PDE4D: variants seen among roughly 807,000 people sequenced by gnomAD.
PDE4D encodes the protein 3',5'-cyclic-AMP phosphodiesterase 4D.
PDE4D carries 24 observed loss-of-function variants against 87.4 expected under a neutral mutation model. The ratio of observed to expected loss-of-function variants is 0.27; its 90% CI spans 0.20 to 0.39. The LOEUF is 0.39. Ranked by LOEUF, PDE4D falls within the 10% of genes least tolerant of loss-of-function variation. The probability of loss-of-function intolerance (pLI) is 1.00; values close to 1 mark genes in which losing one functional copy is unlikely to be tolerated. For synonymous variants in PDE4D, 384 were observed against 383.2 expected, an observed-to-expected ratio of 1.00 and a Z score of -0.02; for missense variants, 714 against 1,041.0, an observed-to-expected ratio of 0.69 and a Z score of 4.32.
intron 1 of PDE4D, among the ~76,000 whole-genome samples, chr5:60,455,945 AG>A (rs754515170): frequency 3.0e-4 from 45 of 152,184 alleles, no homozygotes; most frequent in Non-Finnish European, 6.3e-4. Context: ...TTTTGGAGCC[AG>A]GGTTCTCCAG....
chr5:59,364,656 G>A (rs1782757353), intron 1 of PDE4D, among the ~76,000 whole-genome samples: 1 of 152,100 alleles, frequency 6.6e-6, no homozygotes, highest in Non-Finnish European at 1.5e-5. Context: ...AATGCATGAG[G>A]CAGCAAGTAT....
At chr5:59,690,325 A>G (rs1420238407) in intron 1 of PDE4D, among the ~76,000 whole-genome samples, 2 of 152,332 alleles carry the variant, frequency 1.3e-5, no homozygotes, top group Non-Finnish European at 2.9e-5. Context: ...ACTATACTAC[A>G]AGGCTACAGT....
chr5:59,023,189 A>AGAG (rs1554048678), intron 6 of PDE4D, among the ~76,000 whole-genome samples: 2 of 150,346 alleles, frequency 1.3e-5, no homozygotes, highest in Admixed American at 6.6e-5. Flanking sequence ...AAAAAAAAAA[A>AGAG]AGAGAGAGAG....
intron 1 of PDE4D, among the ~76,000 whole-genome samples, chr5:60,265,722 C>A (rs774374959): frequency 1.1e-4 from 17 of 152,234 alleles, no homozygotes; most frequent in Non-Finnish European, 1.5e-5. Context: ...ACAGCTCAAG[C>A]ACATAAAAGG....
At chr5:60,376,754 T>C (rs984286739) in intron 1 of PDE4D, among the ~76,000 whole-genome samples, 2 of 152,256 alleles carry the variant, frequency 1.3e-5, no homozygotes, top group Middle Eastern at 3.4e-3. Context: ...CAATACATTC[T>C]CCCATTCCCA....
intron 2 of PDE4D, among the ~76,000 whole-genome samples, chr5:60,168,124 T>G (rs1381694146): frequency 6.6e-6 from 1 of 152,234 alleles, no homozygotes; most frequent in Non-Finnish European, 1.5e-5. Flanking sequence ...GATATAGATA[T>G]TTTCTACTTT....
chr5:60,196,937 C>A (rs1034479785), intron 1 of PDE4D, among the ~76,000 whole-genome samples: 1 of 151,244 alleles, frequency 6.6e-6, no homozygotes, highest in Admixed American at 6.6e-5. Flanking sequence ...AATTACAAAT[C>A]ATAGTCTGTA....
intron 2 of PDE4D, among the ~76,000 whole-genome samples, chr5:60,135,494 C>A (rs144715317): frequency 2.0e-4 from 30 of 152,040 alleles, no homozygotes; most frequent in African/African-American, 7.2e-4. Flanking sequence ...AGTAGTCTAT[C>A]GTTCAAAAAT....
intron 1 of PDE4D, among the ~76,000 whole-genome samples, chr5:59,553,522 A>C (rs1818442368): frequency 6.6e-6 from 1 of 152,198 alleles, no homozygotes; most frequent in Non-Finnish European, 1.5e-5. Flanking sequence ...TGTTCCATGA[A>C]ATTTAAAAGC....
At chr5:59,795,121 G>T (rs1766312600) in intron 1 of PDE4D, among the ~76,000 whole-genome samples, 1 of 152,202 alleles carries the variant, frequency 6.6e-6, no homozygotes, top group African/African-American at 2.4e-5. Context: ...AAGAATCGTT[G>T]CTGTGAAAGA....
chr5:59,689,761 G>A (rs1750585516), intron 1 of PDE4D, among the ~76,000 whole-genome samples: 1 of 152,114 alleles, frequency 6.6e-6, no homozygotes, highest in African/African-American at 2.4e-5. Context: ...TATTCAATTA[G>A]GAAAAGAGGA....
In PDE4D at chr5:59,613,888, C is replaced by T. The variant is rs556767341; in HGVS notation, c.455+279280G>A. ...ATTACATATCAGTAAACCAAAATTA[C>T]ATTACATTAAGACTGCCGTTAAATT... On this transcript the variant is annotated intron_variant, in intron 1 of 14. Coordinates refer to ENST00000340635, the MANE Select transcript of PDE4D (RefSeq NM_001104631.2). Among the ~76,000 whole-genome samples the T allele has an allele frequency of 3.9e-5, 6 of 152,246 alleles. No individual in the cohort carries two copies. In the South Asian group the frequency reaches 1.2e-3, roughly 32 times the overall value.
chr5:60,243,973 A>G (rs1747422165), intron 1 of PDE4D, among the ~76,000 whole-genome samples: 1 of 151,950 alleles, frequency 6.6e-6, no homozygotes, highest in African/African-American at 2.4e-5. Context: ...ACAAGAGAAA[A>G]AAACACAGGG....
intron 1 of PDE4D, among the ~76,000 whole-genome samples, chr5:59,280,547 T>A (rs1193794757): frequency 1.3e-5 from 2 of 152,250 alleles, no homozygotes; most frequent in East Asian, 3.9e-4. Context: ...CTCTTTCACA[T>A]TTCTTGTTCT....
intron 3 of PDE4D, among the ~76,000 whole-genome samples, chr5:59,904,811 T>C (rs1752651697): frequency 6.6e-6 from 1 of 152,166 alleles, no homozygotes; most frequent in Non-Finnish European, 1.5e-5. Flanking sequence ...AAATTTTTAA[T>C]GAATAATACA....
chr5:59,212,788 A>T (rs998272743), intron 2 of PDE4D, among the ~76,000 whole-genome samples: 2 of 151,996 alleles, frequency 1.3e-5, no homozygotes, highest in Non-Finnish European at 2.9e-5. Context: ...CTCACCTTTG[A>T]TGAAGTTGCA....
At position 59,431,448 on chromosome 5, in the gene PDE4D, G is replaced by T. The variant is rs144252106; in HGVS notation, c.456-215480C>A. The stretch of plus-strand genomic sequence containing the variant: ...TTTTGAAAAATTATTTCTTATCCAG[G>T]ATTTGAATAGACACGCCAGTTTATT... On this transcript the variant is annotated intron_variant, in intron 1 of 14. Transcript: ENST00000340635. 2.8e-3 allele frequency among the ~76,000 whole-genome samples: 421 copies of T among 152,058 alleles called. 6 individuals carry two copies. Among genetic ancestry groups the T allele is most frequent in the African/African-American group, 9.6e-3 (398 of 41,504 alleles).
At chr5:59,997,206 C>T (rs922050943) in intron 2 of PDE4D, among the ~76,000 whole-genome samples, 1 of 152,026 alleles carries the variant, frequency 6.6e-6, no homozygotes, top group Non-Finnish European at 1.5e-5. Flanking sequence ...TGAGTTCTGT[C>T]AATTATTTCC....
chr5:59,035,281 C>T (rs1258577677), intron 6 of PDE4D, among the ~76,000 whole-genome samples: 1 of 152,220 alleles, frequency 6.6e-6, no homozygotes, highest in East Asian at 1.9e-4. Context: ...GCTCTTCTGT[C>T]TGGCATTCTG....
Sources: allele counts gnomAD v4.1 joint callset (sites outside exome capture counted in the v4.1 genomes callset), GRCh38; gene constraint gnomAD v4.1.1; transcripts MANE v1.5; gene names NCBI Gene and HGNC (gene_info 2026-07-23, HGNC 2026-07-21).